Variants in UTRN observed in about 807,000 individuals in gnomAD.
UTRN encodes the protein utrophin, also known as dystrophin-related protein 1.
A neutral mutation model predicts 463.9 loss-of-function variants in UTRN; 283 were observed. The ratio of observed to expected loss-of-function variants is 0.61; its 90% CI spans 0.55 to 0.67. The LOEUF (loss-of-function observed/expected upper bound fraction) is 0.67, where lower values mean the gene tolerates loss of function less well. UTRN is among the 30% of genes least tolerant of loss of function. The pLI, the probability that UTRN is intolerant of heterozygous loss-of-function variation, is 0.00. For synonymous variants in UTRN, 1,442 were observed against 1,431.5 expected, an observed-to-expected ratio of 1.01 and a Z score of -0.17; for missense variants, 3,922 against 4,084.3, an observed-to-expected ratio of 0.96 and a Z score of 1.08.
chr6:144,373,900 T>G (rs1780221757), intron 2 of UTRN, among the ~76,000 whole-genome samples: 1 of 152,236 alleles, frequency 6.6e-6, no homozygotes, highest in Non-Finnish European at 1.5e-5. Context: ...ACTCAGTGCT[T>G]GCAGAATATT....
chr6:144,786,888 G>A (rs1056664696), intron 61 of UTRN, among the ~76,000 whole-genome samples: 7 of 152,022 alleles, frequency 4.6e-5, no homozygotes, highest in Middle Eastern at 3.2e-3. Flanking sequence ...TGAGTTCATC[G>A]GGGTAGGAAT....
At chr6:144,561,205 TTATATATATATATATATATA>T (rs1162903466) in intron 50 of UTRN, among the ~76,000 whole-genome samples, 5,401 of 60,238 alleles carry the variant, frequency 0.09, 418 homozygotes, top group Non-Finnish European at 0.13. Flanking sequence ...AAAAATAACA[TTATATATATATATATATATA>T]TATATATATA....
At chr6:144,436,205 ACTCTC>A in intron 10 of UTRN, 67 bp downstream of exon 10, 1 of 1,452,912 alleles carries the variant, frequency 6.9e-7, no homozygotes, top group Non-Finnish European at 9.4e-7. Flanking sequence ...CAGGGACTCT[ACTCTC>A]CTATTTGTTA....
At chr6:144,731,030 A>G (rs1224232838) in intron 54 of UTRN, among the ~76,000 whole-genome samples, 1 of 150,960 alleles carries the variant, frequency 6.6e-6, no homozygotes, top group Non-Finnish European at 1.5e-5. Context: ...AGCAAAAAAT[A>G]TATATTTCTT....
Position 144,437,684 on chromosome 6 carries a change from G to A in UTRN, c.1179G>A (p.Gln393=), listed in dbSNP as rs35999848. 26 of 1,614,096 alleles carry A rather than the reference G, an allele frequency of 1.6e-5. No individual in the cohort carries two copies. In the African/African-American group the frequency reaches 3.5e-4, roughly 22 times the overall value. Reference sequence around the variant, plus strand: ...AAGAAGAATTTGAGATTCAGGAACAGATGACCCTGCTGAATGCTAGATGGG... The same window carrying A: ...AAGAAGAATTTGAGATTCAGGAACAAATGACCCTGCTGAATGCTAGATGGG... The part of the protein sequence containing the change: ...SDEEEFEIQE[Q]MTLLNARWEA... Residue 393 remains glutamine (Q), a synonymous_variant, in exon 11 of 75, where the codon CAG becomes CAA. Coordinates refer to ENST00000367545, the MANE Select transcript of UTRN (RefSeq NM_007124.3).
intron 2 of UTRN, among the ~76,000 whole-genome samples, chr6:144,339,279 G>A (rs1349239801): frequency 6.6e-6 from 1 of 152,166 alleles, no homozygotes; most frequent in Non-Finnish European, 1.5e-5. Flanking sequence ...AAGGGAAGTA[G>A]AACTTTAGGA....
At chr6:144,391,583 G>C (rs1170949203) in intron 2 of UTRN, among the ~76,000 whole-genome samples, 4 of 152,128 alleles carry the variant, frequency 2.6e-5, no homozygotes, top group African/African-American at 9.7e-5. Flanking sequence ...TTATTCGCAA[G>C]TAGGCTCGAA....
intron 9 of UTRN, among the ~76,000 whole-genome samples, chr6:144,433,917 C>T (rs1379096556): frequency 7.5e-5 from 11 of 146,888 alleles, no homozygotes; most frequent in Admixed American, 6.8e-5. Context: ...CAGGCAGAGA[C>T]GCTCCTCACT....
intron 54 of UTRN, among the ~76,000 whole-genome samples, chr6:144,738,734 A>G (rs1397089111): frequency 6.6e-6 from 1 of 152,208 alleles, no homozygotes; most frequent in Non-Finnish European, 1.5e-5. Context: ...AGATTGCATT[A>G]TTTATCCACC....
At chr6:144,725,333 T>G (rs1787754734) in intron 53 of UTRN, among the ~76,000 whole-genome samples, 1 of 152,206 alleles carries the variant, frequency 6.6e-6, no homozygotes, top group Non-Finnish European at 1.5e-5. Context: ...CTCTTTCCTT[T>G]GTAAATTACC....
chr6:144,445,249 G>T, intron 14 of UTRN, among the ~76,000 whole-genome samples: 1 of 151,234 alleles, frequency 6.6e-6, no homozygotes, highest in East Asian at 2.0e-4. Context: ...TACTCAGGAG[G>T]CTGAGGCAGG....
Position 144,511,102 on chromosome 6 carries a change from A to G in UTRN, c.4923A>G (p.Glu1641=). 6.2e-7 allele frequency: 1 copy of G among 1,601,810 alleles called. No homozygotes were observed. The highest frequency in any genetic ancestry group is 8.5e-7 in the Non-Finnish European group (1 of 1,172,134). ...AGWSRVRTWT[E]DWCNTLMNHQ... Reference sequence around the variant, plus strand: ...GGAGCCGAGTTCGTACCTGGACTGAAGATTGGTGCAATACCTTGATGGTAT... The same window carrying G: ...GGAGCCGAGTTCGTACCTGGACTGAGGATTGGTGCAATACCTTGATGGTAT... The change falls in exon 35 of 75, where the codon GAA becomes GAG. Residue 1641 remains glutamate (E), a synonymous_variant. Transcript: ENST00000367545.
chr6:144,457,034 A>T (rs1169289909), intron 19 of UTRN, among the ~76,000 whole-genome samples: 1 of 152,180 alleles, frequency 6.6e-6, no homozygotes, highest in Admixed American at 6.5e-5. Context: ...TTGCCTTTTG[A>T]CTAGTCACCT....
chr6:144,627,804 T>C lies in UTRN; in HGVS notation c.7479+50516T>C, dbSNP rs536618124. Among the ~76,000 whole-genome samples, 160 of 149,044 alleles carry C rather than the reference T, an allele frequency of 1.1e-3. 1 individual carries two copies. Among genetic ancestry groups the C allele is most frequent in the South Asian group, 7.8e-3 (36 of 4,586 alleles). ...TCTGCATTTCCTTCTGTGTTTTTTT[T>C]TTTTTTTTTTTTTGAGGTGGAGTCT... On this transcript the variant is annotated intron_variant, in intron 51 of 74. Coordinates refer to ENST00000367545, the MANE Select transcript of UTRN (RefSeq NM_007124.3).
At chr6:144,602,520 G>C (rs1223746324) in intron 51 of UTRN, among the ~76,000 whole-genome samples, 1 of 152,156 alleles carries the variant, frequency 6.6e-6, no homozygotes, top group African/African-American at 2.4e-5. Context: ...TGAATTGTAA[G>C]CTATGCATAC....
chr6:144,490,204 A>C lies in UTRN; in HGVS notation c.4263+5A>C, dbSNP rs1562478663. ...AGTCAGATGGATGTGCTACAGGTAA[A>C]GAAGGCCAGGAGCTTCCTTTTACTT... On this transcript the variant is annotated splice_donor_5th_base_variant and intron_variant, in intron 31 of 74. Coordinates refer to ENST00000367545, the MANE Select transcript of UTRN (RefSeq NM_007124.3). The C allele has an allele frequency of 6.3e-7, 1 of 1,592,730 alleles. No individual in the cohort carries two copies. Among genetic ancestry groups the C allele is most frequent in the Non-Finnish European group, 8.5e-7 (1 of 1,174,228 alleles).
chr6:144,299,810 C>T (rs1805067854), intron 2 of UTRN, among the ~76,000 whole-genome samples: 1 of 152,028 alleles, frequency 6.6e-6, no homozygotes. Flanking sequence ...TCACATTCAA[C>T]CTCTATGCTA....
At chr6:144,402,672 A>G (rs1274844271) in intron 2 of UTRN, among the ~76,000 whole-genome samples, 1 of 152,214 alleles carries the variant, frequency 6.6e-6, no homozygotes, top group Non-Finnish European at 1.5e-5. Flanking sequence ...GTGTAGGACC[A>G]GTATGAAGAG....
chr6:144,689,954 T>C (rs1783150438), intron 52 of UTRN, among the ~76,000 whole-genome samples: 1 of 151,548 alleles, frequency 6.6e-6, no homozygotes, highest in African/African-American at 2.4e-5. Context: ...AGGTGGCACT[T>C]GGAAAAGGGC....
Sources: gnomAD v4.1 joint callset for allele counts (sites outside exome capture counted in the v4.1 genomes callset) on GRCh38, gnomAD v4.1.1 for gene constraint, MANE v1.5 for transcripts, NCBI Gene and HGNC (gene_info 2026-07-23, HGNC 2026-07-21) for gene names.